TAF1: variants seen among roughly 807,000 people sequenced by gnomAD.
The protein encoded by TAF1 is transcription initiation factor TFIID subunit 1.
TAF1 carries 2 observed loss-of-function variants against 138.5 expected under a neutral mutation model. That is an observed-to-expected ratio of 0.01 (90% confidence interval 0.01 to 0.05). TAF1 has a LOEUF of 0.05. TAF1 is among the 10% of genes least tolerant of loss of function. The pLI, the probability that TAF1 is intolerant of heterozygous loss-of-function variation, is 1.00. For synonymous variants in TAF1, 437 were observed against 503.2 expected, an observed-to-expected ratio of 0.87 and a Z score of 1.76; for missense variants, 709 against 1,478.0, an observed-to-expected ratio of 0.48 and a Z score of 8.53.
chrX:71,487,356 T>G (rs763453362), intron 13 of TAF1, among the ~76,000 whole-genome samples: 2 of 95,013 alleles, frequency 2.1e-5, no homozygotes, highest in African/African-American at 8.0e-5. Flanking sequence ...GGAGTTTCGC[T>G]CTTGTCACCT....
At chrX:71,503,322 G>A (rs865955705) in intron 13 of TAF1, among the ~76,000 whole-genome samples, 1,069 of 77,973 alleles carry the variant, frequency 0.014, 32 homozygotes, top group African/African-American at 0.058. Flanking sequence ...ATATATATAT[G>A]TGTGTGTATA....
At chrX:71,410,018 G>A (rs1286552054) in intron 28 of TAF1, among the ~76,000 whole-genome samples, 2 of 108,437 alleles carry the variant, frequency 1.8e-5, no homozygotes, top group African/African-American at 6.7e-5. Flanking sequence ...TCAGCCTCCC[G>A]AGTAGCTGGG....
In TAF1 at chrX:71,398,910, G is replaced by A. The variant is rs1312552949; in HGVS notation, c.3786+173G>A. Among the ~76,000 whole-genome samples the A allele has an allele frequency of 7.1e-5, 8 of 111,920 alleles. No homozygotes were observed. In the Admixed American group the frequency reaches 7.6e-4, roughly 11 times the overall value. On this transcript the variant is annotated intron_variant, in intron 24 of 37. Transcript: ENST00000423759. ...TCTCAATACTAATGTGAGTGGTATT[G>A]ACAATTCCACACCAAATCTGGTGCT...
rs759405716 is a variant in TAF1 at position 71,382,660 on chromosome X, G to A, written c.1662G>A (p.Gln554=). The A allele has an allele frequency of 2.5e-6, 3 of 1,206,462 alleles. No homozygotes were observed. The Admixed American group carries it at 6.7e-5, about 27-fold the overall frequency. The change falls in exon 10 of 38, where the codon CAG becomes CAA. Residue 554 remains glutamine (Q), a synonymous_variant. Coordinates refer to ENST00000423759, the MANE Select transcript of TAF1 (RefSeq NM_004606.5). ...GKTGVIKEEP[Q]QNMSQPEVKD... is the part of the protein sequence containing the mutation. ...CAGGAGTCATCAAGGAGGAACCACA[G>A]CAGGTGTGTGAAGAAAAAAGGGGCT...
chrX:71,420,242 T>C (rs1265666943), intron 28 of TAF1: 5 of 859,858 alleles, frequency 5.8e-6, no homozygotes, highest in Non-Finnish European at 8.6e-6. Context: ...TTGTGCTGAT[T>C]CCTGGTCTGT....
At chrX:71,469,243 GGTCAC>G (rs1288529739), downstream of TAF1, among the ~76,000 whole-genome samples, 2 of 111,808 alleles carry the variant, frequency 1.8e-5, no homozygotes, top group Admixed American at 1.9e-4. Flanking sequence ...AGTGAGCTAT[GGTCAC>G]ACCACTGTAC....
chrX:71,491,318 T>C (rs1203446352), intron 13 of TAF1, among the ~76,000 whole-genome samples: 1 of 109,796 alleles, frequency 9.1e-6, no homozygotes, highest in Non-Finnish European at 1.9e-5. Context: ...GGAGTTTGTT[T>C]CTCACTGAGC....
chrX:71,442,603 C>T (rs1162062435), intron 32 of TAF1, among the ~76,000 whole-genome samples: 1 of 111,807 alleles, frequency 8.9e-6, no homozygotes, highest in African/African-American at 3.2e-5. Context: ...TTCTCCCATT[C>T]TGTAGGTTGC....
chrX:71,437,217 C>G (rs1294944606), intron 32 of TAF1, among the ~76,000 whole-genome samples: 2 of 110,672 alleles, frequency 1.8e-5, no homozygotes, highest in Non-Finnish European at 3.8e-5. Flanking sequence ...TTTTTCCTAA[C>G]TGGTTATTAA....
At chrX:71,470,772 A>G (rs972679635), downstream of TAF1, among the ~76,000 whole-genome samples, 1 of 107,929 alleles carries the variant, frequency 9.3e-6, no homozygotes, top group African/African-American at 3.3e-5. Flanking sequence ...TGAGAGGATC[A>G]CTTGAGGCCA....
chrX:71,366,364 C>T lies in TAF1; in HGVS notation c.-11C>T, dbSNP rs1602417285. The stretch of plus-strand genomic sequence containing the variant: ...CTGCGGACAGCAGCTACCATCACTG[C>T]TGCCGCCATCATGTCAGACACGGAC... On this transcript the variant is annotated 5_prime_UTR_variant, in exon 1 of 38. Transcript: ENST00000423759. The T allele has an allele frequency of 8.3e-7, 1 of 1,211,103 alleles. No individual in the cohort carries two copies. Among genetic ancestry groups the T allele is most frequent in the African/African-American group, 1.7e-5 (1 of 57,659 alleles).
intron 35 of TAF1, among the ~76,000 whole-genome samples, chrX:71,458,967 TC>T (rs1486710018): frequency 3.6e-5 from 4 of 111,135 alleles, no homozygotes; most frequent in Non-Finnish European, 7.6e-5. Context: ...GGTTTTTTAC[TC>T]CGGCTGTGAT....
At chrX:71,495,626 C>A (rs988529875) in intron 13 of TAF1, among the ~76,000 whole-genome samples, 2 of 111,887 alleles carry the variant, frequency 1.8e-5, no homozygotes, top group African/African-American at 6.5e-5. Context: ...TCACTGCTGC[C>A]AAAGAGTCTA....
intron 3 of TAF1, among the ~76,000 whole-genome samples, chrX:71,373,865 CAGAT>C (rs1417851602): frequency 9.1e-6 from 1 of 110,236 alleles, no homozygotes; most frequent in Admixed American, 9.7e-5. Context: ...CTGCAGATGA[CAGAT>C]AGAAAAAGTG....
chrX:71,393,586 C>A, intron 21 of TAF1, 110 bp downstream of exon 21: 1 of 951,005 alleles, frequency 1.1e-6, no homozygotes, highest in South Asian at 2.7e-5. Flanking sequence ...CCTAGGTAGT[C>A]AGATATCTGA....
At chrX:71,456,644 A>ATTTT (rs2038297639) in intron 34 of TAF1, among the ~76,000 whole-genome samples, 1 of 30,020 alleles carries the variant, frequency 3.3e-5, no homozygotes, top group Non-Finnish European at 6.4e-5. Flanking sequence ...TCAATAATGT[A>ATTTT]TTTTCTTTTT....
intron 13 of TAF1, among the ~76,000 whole-genome samples, chrX:71,510,656 A>G (rs1189422086): frequency 8.9e-6 from 1 of 111,959 alleles, no homozygotes; most frequent in Non-Finnish European, 1.9e-5. Context: ...AGGTGGTGGG[A>G]TATTTAAAGT....
At chrX:71,461,275 G>C (rs189276224) in intron 37 of TAF1, among the ~76,000 whole-genome samples, 1 of 111,804 alleles carries the variant, frequency 8.9e-6, no homozygotes, top group Non-Finnish European at 1.9e-5. Flanking sequence ...CAGAGCAAAT[G>C]GAAGTTGTTG....
chrX:71,390,554 C>G (rs750931039), intron 18 of TAF1, among the ~76,000 whole-genome samples: 18 of 111,467 alleles, frequency 1.6e-4, no homozygotes, highest in East Asian at 8.5e-4. Context: ...GGGTCTTGCT[C>G]TGTTACCCAG....
Sources: gnomAD v4.1 joint callset for allele counts (sites outside exome capture counted in the v4.1 genomes callset) on GRCh38, gnomAD v4.1.1 for gene constraint, MANE v1.5 for transcripts, NCBI Gene and HGNC (gene_info 2026-07-23, HGNC 2026-07-21) for gene names.